NDUFB9: variants seen among roughly 807,000 people sequenced by gnomAD.
NDUFB9 encodes the protein NADH dehydrogenase [ubiquinone] 1 beta subcomplex subunit 9.
A neutral mutation model predicts 30.2 loss-of-function variants in NDUFB9; 24 were observed. The observed-to-expected ratio is 0.80, with a 90% CI of 0.58 to 1.12. The LOEUF is 1.12. NDUFB9 is among the 50% of genes most tolerant of loss of function. NDUFB9 has a pLI of 0.00. For synonymous variants in NDUFB9, 80 were observed against 84.0 expected (o/e 0.95, Z 0.26); for missense variants, 204 against 226.0 (o/e 0.90, Z 0.62).
intron 2 of NDUFB9, among the ~76,000 whole-genome samples, chr8:124,545,920 G>T (rs185795479): frequency 2.6e-5 from 4 of 152,158 alleles, no homozygotes; most frequent in Non-Finnish European, 4.4e-5. Context: ...TCGGCTCACC[G>T]CAACCTCCAC....
chr8:124,549,695 C>A (rs1444727552), intron 3 of NDUFB9, 66 bp from the exon 4 acceptor site: 2 of 1,495,436 alleles, frequency 1.3e-6, no homozygotes, highest in Non-Finnish European at 9.3e-7. Context: ...CCCTTCACTG[C>A]AGCAGACAGA....
chr8:124,542,961 T>C (rs1401405801), intron 1 of NDUFB9, 126 bp from the exon 2 acceptor site: 12 of 920,094 alleles, frequency 1.3e-5, no homozygotes, highest in African/African-American at 4.9e-5. Flanking sequence ...GGCTGCTCCA[T>C]TGGGAGGGTT....
chr8:124,539,705 G>C (rs72713102), intron 1 of NDUFB9, among the ~76,000 whole-genome samples: 6,991 of 152,226 alleles, frequency 0.046, 237 homozygotes, highest in Middle Eastern at 0.071. Flanking sequence ...CTAGGAGTTA[G>C]GAATTATCTT....
At position 124,546,997 on chromosome 8, in the gene NDUFB9, C is replaced by G. The variant is rs541677596; in HGVS notation, c.295-3C>G. On this transcript the variant is annotated splice_region_variant and splice_polypyrimidine_tract_variant and intron_variant, in intron 2 of 3. Transcript: ENST00000276689. ...TTGATACCATGATTTCCTCTCCTGA[C>G]AGGTCCCAGAATGGTGCTTAGATGA... 6.2e-7 allele frequency: 1 copy of G among 1,603,636 alleles called. No homozygotes were observed. Among genetic ancestry groups the G allele is most frequent in the South Asian group, 1.1e-5 (1 of 90,814 alleles).
chr8:124,544,819 A>G (rs553849592), intron 2 of NDUFB9, among the ~76,000 whole-genome samples: 1 of 151,920 alleles, frequency 6.6e-6, no homozygotes, highest in African/African-American at 2.4e-5. Context: ...TTGCATAGTT[A>G]TAGTTGCCAT....
At position 124,547,012 on chromosome 8, in the gene NDUFB9, T is replaced by G. The variant is rs757935794; in HGVS notation, c.307T>G (p.Cys103Gly). Reference sequence around the variant, plus strand: ...CCTCTCCTGACAGGTCCCAGAATGGTGCTTAGATGACTGGCATCCTTCTGA... The same window carrying G: ...CCTCTCCTGACAGGTCCCAGAATGGGGCTTAGATGACTGGCATCCTTCTGA... ...RYDCYKVPEW[C>G]LDDWHPSEKA... The change falls in exon 3 of 4, where the codon TGC (cysteine) becomes GGC (glycine). Residue 103 changes from cysteine to glycine, a missense_variant. Transcript: ENST00000276689. 9.2e-5 allele frequency: 149 copies of G among 1,611,706 alleles called. No homozygotes were observed. The highest frequency in any genetic ancestry group is 6.5e-4 in the Middle Eastern group (3 of 4,610).
chr8:124,540,765 G>A (rs772398795), intron 1 of NDUFB9, among the ~76,000 whole-genome samples: 62 of 151,950 alleles, frequency 4.1e-4, no homozygotes, highest in Non-Finnish European at 7.4e-5. Context: ...TGTTCTCTGT[G>A]GTTCCATCCT....
chr8:124,543,345 G>C, intron 2 of NDUFB9, 66 bp downstream of exon 2: 1 of 1,526,982 alleles, frequency 6.5e-7, no homozygotes, highest in Admixed American at 1.7e-5. Flanking sequence ...CCACACCTCA[G>C]CCTCAGAAAT....
chr8:124,548,561 G>C (rs900514598), intron 3 of NDUFB9, among the ~76,000 whole-genome samples: 12 of 152,198 alleles, frequency 7.9e-5, no homozygotes, highest in Non-Finnish European at 1.6e-4. Flanking sequence ...GGAATAATCA[G>C]TGGGTAATGA....
chr8:124,541,060 T>C (rs958528889), intron 1 of NDUFB9, among the ~76,000 whole-genome samples: 5 of 151,920 alleles, frequency 3.3e-5, no homozygotes, highest in African/African-American at 1.2e-4. Flanking sequence ...CAGCTACTCA[T>C]GAGGCTGAGG....
intron 2 of NDUFB9, among the ~76,000 whole-genome samples, chr8:124,543,494 C>T (rs553133887): frequency 1.1e-4 from 17 of 152,174 alleles, no homozygotes; most frequent in Admixed American, 2.0e-4. Flanking sequence ...GTGGCAACCC[C>T]GTGCTGAGCA....
intron 1 of NDUFB9, among the ~76,000 whole-genome samples, chr8:124,540,018 C>T (rs1037597672): frequency 6.6e-6 from 1 of 152,112 alleles, no homozygotes; most frequent in Non-Finnish European, 1.5e-5. Context: ...GCTAACAACC[C>T]AAGATGTGTG....
rs955022092 is a variant in NDUFB9 at position 124,549,612 on chromosome 8, T to C, written c.409-149T>C. 9.5e-6 allele frequency: 7 copies of C among 738,786 alleles called. No homozygotes were observed. In the African/African-American group the frequency reaches 1.1e-4, roughly 11 times the overall value. The allele number at this position is 738,786 out of a possible 1,614,324, so 45.8% of individuals were successfully genotyped here. A position where few individuals can be genotyped will look rare whatever the true frequency, so the allele number is the denominator to read the frequency against. On this transcript the variant is annotated intron_variant, in intron 3 of 3. Transcript: ENST00000276689. The stretch of plus-strand genomic sequence containing the variant: ...TGGATATGAAAATAAAGCAGGTATA[T>C]GTAAAAAACACTTTTCAATATTGTG...
chr8:124,548,457 G>A (rs533482029), intron 3 of NDUFB9, among the ~76,000 whole-genome samples: 1 of 152,280 alleles, frequency 6.6e-6, no homozygotes, highest in South Asian at 2.1e-4. Flanking sequence ...CAGCATATTT[G>A]GAGAATGTGG....
At chr8:124,544,887 CA>C (rs1260142129) in intron 2 of NDUFB9, among the ~76,000 whole-genome samples, 1 of 152,146 alleles carries the variant, frequency 6.6e-6, no homozygotes, top group African/African-American at 2.4e-5. Context: ...AAGAATTCAC[CA>C]TTCTAAATGC....
At chr8:124,549,609 A>C (rs1030598501) in intron 3 of NDUFB9, 152 bp from the exon 4 acceptor site, 11 of 716,872 alleles carry the variant, frequency 1.5e-5, no homozygotes, top group African/African-American at 1.8e-5. Context: ...TAAAGCAGGT[A>C]TATGTAAAAA....
At chr8:124,542,365 T>G (rs1350876184) in intron 1 of NDUFB9, among the ~76,000 whole-genome samples, 1 of 152,162 alleles carries the variant, frequency 6.6e-6, no homozygotes, top group East Asian at 1.9e-4. Flanking sequence ...AGACAGTAAC[T>G]TACCCCAAGT....
rs1378866096 is a variant in NDUFB9 at position 124,549,851 on chromosome 8, T to G, written c.499T>G (p.Trp167Gly). The change falls in exon 4 of 4, where the codon TGG (tryptophan) becomes GGG (glycine). Residue 167 changes from tryptophan to glycine, a missense_variant. Transcript: ENST00000276689. ...AAAGGAAGGTGATTTGCCCCCACTGTGGTGGTATATTGTGACCAGACCCCG... is the reference window on the plus strand; with the variant it reads ...AAAGGAAGGTGATTTGCCCCCACTGGGGTGGTATATTGTGACCAGACCCCG... ...ARKEGDLPPL[W>G]WYIVTRPRER... 6.2e-7 allele frequency: 1 copy of G among 1,614,118 alleles called. No homozygotes were observed. Among genetic ancestry groups the G allele is most frequent in the Non-Finnish European group, 8.5e-7 (1 of 1,180,048 alleles).
Position 124,549,860 on chromosome 8 carries a change from A to T in NDUFB9, c.508A>T (p.Ile170Phe). ...EGDLPPLWWY[I>F]VTRPRERPM ...TGATTTGCCCCCACTGTGGTGGTAT[A>T]TTGTGACCAGACCCCGGGAGCGGCC... The change falls in exon 4 of 4, where the codon ATT (isoleucine) becomes TTT (phenylalanine). Residue 170 changes from isoleucine to phenylalanine, a missense_variant. By Grantham distance (21) the Ile-to-Phe change is conservative (BLOSUM62 0). Transcript: ENST00000276689. 1 of 1,614,188 alleles carries T rather than the reference A, an allele frequency of 6.2e-7. No individual in the cohort carries two copies. Among genetic ancestry groups the T allele is most frequent in the South Asian group, 1.1e-5 (1 of 91,084 alleles).
Sources: gnomAD v4.1 joint callset for allele counts (sites outside exome capture counted in the v4.1 genomes callset) on GRCh38, gnomAD v4.1.1 for gene constraint, MANE v1.5 for transcripts, NCBI Gene and HGNC (gene_info 2026-07-23, HGNC 2026-07-21) for gene names.